Variants in CNTNAP2 observed in about 807,000 individuals in gnomAD.
The protein encoded by CNTNAP2 is contactin associated protein 2, also known as contactin-associated protein-like 2.
A neutral mutation model predicts 155.2 loss-of-function variants in CNTNAP2; 98 were observed. The observed-to-expected ratio is 0.63, with a 90% confidence interval of 0.54 to 0.75. The LOEUF (loss-of-function observed/expected upper bound fraction) is 0.75, where lower values mean the gene tolerates loss of function less well. Ranked by LOEUF, CNTNAP2 falls within the 30% of genes least tolerant of loss-of-function variation. The pLI is 0.00. For missense variants in CNTNAP2, 1,727 were observed against 1,688.1 expected, an observed-to-expected ratio of 1.02 and a Z score of -0.40; for synonymous variants, 651 against 631.2, an observed-to-expected ratio of 1.03 and a Z score of -0.47.
chr7:148,393,792 T>C (rs1158081555), intron 22 of CNTNAP2, among the ~76,000 whole-genome samples: 1 of 152,164 alleles, frequency 6.6e-6, no homozygotes. Context: ...TTTCTTGTTA[T>C]AGTTTGTATT....
At chr7:147,281,263 G>A (rs1034682751) in intron 8 of CNTNAP2, among the ~76,000 whole-genome samples, 5 of 151,834 alleles carry the variant, frequency 3.3e-5, no homozygotes, top group African/African-American at 9.7e-5. Flanking sequence ...ATTCAATATA[G>A]GAAGGCTGCA....
intron 14 of CNTNAP2, among the ~76,000 whole-genome samples, chr7:147,947,289 T>C (rs958016337): frequency 2.0e-5 from 3 of 151,904 alleles, no homozygotes; most frequent in African/African-American, 7.3e-5. Flanking sequence ...CTTAAGACAA[T>C]TGCATTTCCT....
intron 2 of CNTNAP2, among the ~76,000 whole-genome samples, chr7:146,828,486 C>A (rs1803450243): frequency 6.6e-6 from 1 of 152,024 alleles, no homozygotes; most frequent in Admixed American, 6.6e-5. Flanking sequence ...TTGAATATCT[C>A]CAGTAGTGAA....
intron 14 of CNTNAP2, among the ~76,000 whole-genome samples, chr7:147,961,120 G>A (rs1332521442): frequency 6.6e-6 from 1 of 151,920 alleles, no homozygotes; most frequent in East Asian, 1.9e-4. Context: ...TCATGTCAGA[G>A]ATCTCCTACC....
intron 1 of CNTNAP2, among the ~76,000 whole-genome samples, chr7:146,744,878 G>A (rs949617509): frequency 2.0e-5 from 3 of 152,084 alleles, no homozygotes; most frequent in Non-Finnish European, 4.4e-5. Context: ...CTTCAGATTT[G>A]AGTGATAAAG....
chr7:146,943,313 G>A (rs548743619), intron 3 of CNTNAP2, among the ~76,000 whole-genome samples: 8 of 152,220 alleles, frequency 5.3e-5, no homozygotes, highest in South Asian at 2.1e-4. Context: ...CCAACATGGC[G>A]AAATCCTGTC....
intron 12 of CNTNAP2, among the ~76,000 whole-genome samples, chr7:147,619,144 G>A (rs1801347136): frequency 6.6e-6 from 1 of 152,176 alleles, no homozygotes; most frequent in Non-Finnish European, 1.5e-5. Flanking sequence ...AGTTCCACAA[G>A]ACATTTTCAT....
intron 13 of CNTNAP2, among the ~76,000 whole-genome samples, chr7:147,903,171 G>T (rs549338388): frequency 2.4e-4 from 36 of 152,246 alleles, no homozygotes; most frequent in African/African-American, 7.9e-4. Context: ...GGGCATTCTT[G>T]TGGGAATAAG....
At chr7:147,095,316 G>A (rs192653300) in intron 4 of CNTNAP2, among the ~76,000 whole-genome samples, 151 of 151,394 alleles carry the variant, frequency 1.0e-3, no homozygotes, top group Non-Finnish European at 1.3e-3. Flanking sequence ...GATTTCAGGC[G>A]TGAGCCACCG....
intron 10 of CNTNAP2, among the ~76,000 whole-genome samples, chr7:147,441,848 T>TCTCTCC (rs1554485020): frequency 8.7e-6 from 1 of 114,372 alleles, no homozygotes; most frequent in Admixed American, 8.7e-5. Flanking sequence ...TCTCTCTCTC[T>TCTCTCC]CTCCCTCCCT....
chr7:147,592,478 GT>G lies in CNTNAP2; in HGVS notation c.1897+30233del, dbSNP rs34713058. On this transcript the variant is annotated intron_variant, in intron 12 of 23. Coordinates refer to ENST00000361727, the MANE Select transcript of CNTNAP2 (RefSeq NM_014141.6). The stretch of plus-strand genomic sequence containing the variant: ...TAATAATTAAAAGTGGTTGTTTCTG[GT>G]TTTTTTTTTTTGCAAATGATTAAGC... Among the ~76,000 whole-genome samples the G allele has an allele frequency of 6.9e-3, 988 of 143,912 alleles. 11 individuals are homozygous for G. The highest frequency in any genetic ancestry group is 0.023 in the African/African-American group (895 of 39,574). 94.4% of individuals were successfully genotyped at this position (143,912 alleles called of 152,430 possible). A position where few individuals can be genotyped will look rare whatever the true frequency, so the allele number is the denominator to read the frequency against.
At chr7:148,001,571 A>G (rs1038393273) in intron 15 of CNTNAP2, among the ~76,000 whole-genome samples, 3 of 152,260 alleles carry the variant, frequency 2.0e-5, no homozygotes, top group South Asian at 2.1e-4. Flanking sequence ...ATGACATTAC[A>G]TAAAAGAATT....
chr7:146,360,662 T>C (rs966188101), intron 1 of CNTNAP2, among the ~76,000 whole-genome samples: 1 of 152,186 alleles, frequency 6.6e-6, no homozygotes, highest in African/African-American at 2.4e-5. Context: ...TTTGGCCAAA[T>C]ATCAAGTGAG....
intron 1 of CNTNAP2, among the ~76,000 whole-genome samples, chr7:146,664,891 C>A (rs1426504179): frequency 6.6e-6 from 1 of 152,062 alleles, no homozygotes; most frequent in African/African-American, 2.4e-5. Context: ...TCGACTTCAT[C>A]CAAGTTGTTG....
rs550784641 is a variant in CNTNAP2 at position 146,818,394 on chromosome 7, C to G, written c.209-21317C>G. On this transcript the variant is annotated intron_variant, in intron 2 of 23. Transcript: ENST00000361727. ...TCTTACTTTTGGTTTCCTAAGAAGG[C>G]CAAAGTATTTTGCATACTCCTTTCT... is the stretch of plus-strand genomic sequence containing the variant. 3.3e-5 allele frequency among the ~76,000 whole-genome samples: 5 copies of G among 152,204 alleles called. 1 individual carries two copies. The South Asian group carries it at 1.0e-3, about 32-fold the overall frequency.
chr7:148,108,681 TAC>T lies in CNTNAP2; in HGVS notation c.2384-9435_2384-9434del, dbSNP rs568866173. Among the ~76,000 whole-genome samples, 633 of 152,184 alleles carry T rather than the reference TAC, an allele frequency of 4.2e-3. 3 individuals carry two copies. Among genetic ancestry groups the T allele is most frequent in the Non-Finnish European group, 7.1e-3 (481 of 67,996 alleles). Reference sequence around the variant, plus strand: ...GAGAAGCAGAGAGGAAGATGGTGGGTACAGAGGCTGGAAGGTGCAGGGAATGG... The same window carrying T: ...GAGAAGCAGAGAGGAAGATGGTGGGTAGAGGCTGGAAGGTGCAGGGAATGG... On this transcript the variant is annotated intron_variant, in intron 15 of 23. Transcript: ENST00000361727.
At chr7:147,644,253 A>T (rs887070104) in intron 13 of CNTNAP2, among the ~76,000 whole-genome samples, 1 of 152,202 alleles carries the variant, frequency 6.6e-6, no homozygotes, top group Non-Finnish European at 1.5e-5. Flanking sequence ...GGATTTGTAA[A>T]TGTAATATTA....
intron 1 of CNTNAP2, among the ~76,000 whole-genome samples, chr7:146,638,476 CTTTTTTTTTTT>C (rs879600389): frequency 9.3e-5 from 6 of 64,330 alleles, no homozygotes; most frequent in African/African-American, 2.9e-4. Flanking sequence ...TCAGGTGTTT[CTTTTTTTTTTT>C]TTTTTTTTTT....
chr7:147,922,870 C>T lies in CNTNAP2; in HGVS notation c.2255+19149C>T, dbSNP rs139145506. Among the ~76,000 whole-genome samples, 106 of 152,212 alleles carry T rather than the reference C, an allele frequency of 7.0e-4. 2 individuals are homozygous for T. In the East Asian group the frequency reaches 0.013, roughly 18 times the overall value. On this transcript the variant is annotated intron_variant, in intron 14 of 23. Coordinates refer to ENST00000361727, the MANE Select transcript of CNTNAP2 (RefSeq NM_014141.6). ...TGTTTGTTGTCATTTATTTCAAGCT[C>T]AATATTAGATGCCAATGTTAGGGAC... is the stretch of plus-strand genomic sequence containing the variant.
Sources: allele counts gnomAD v4.1 joint callset (sites outside exome capture counted in the v4.1 genomes callset), GRCh38; gene constraint gnomAD v4.1.1; transcripts MANE v1.5; gene names NCBI Gene and HGNC (gene_info 2026-07-23, HGNC 2026-07-21).